The following PTPRD variants were observed in gnomAD, a reference collection of about 807,000 sequenced individuals.
PTPRD encodes the protein receptor-type tyrosine-protein phosphatase delta.
In PTPRD, 34 loss-of-function variants were observed where a neutral mutation model predicts 214.5. That is an observed-to-expected ratio of 0.16 (90% confidence interval 0.12 to 0.21). The LOEUF (loss-of-function observed/expected upper bound fraction) is 0.21, where lower values mean the gene tolerates loss of function less well. PTPRD is among the 10% of genes least tolerant of loss of function. PTPRD has a pLI of 1.00. For missense variants in PTPRD, 2,545 were observed against 2,398.7 expected, an observed-to-expected ratio of 1.06 and a Z score of -1.27; for synonymous variants, 1,128 against 845.7, an observed-to-expected ratio of 1.33 and a Z score of -5.79.
intron 14 of PTPRD, among the ~76,000 whole-genome samples, chr9:8,608,165 A>G (rs1384754149): frequency 6.6e-6 from 1 of 151,920 alleles, no homozygotes; most frequent in Admixed American, 6.6e-5. Context: ...ATATCTATAC[A>G]TTACATATTG....
Position 8,521,540 on chromosome 9 carries a change from C to A in PTPRD, c.698G>T (p.Arg233Leu). The change falls in exon 20 of 46, where the codon CGT (arginine) becomes CTT (leucine). Residue 233 changes from arginine to leucine, a missense_variant. Physicochemically the swap from Arg to Leu is moderately radical, Grantham distance 102. Coordinates refer to ENST00000381196, the MANE Select transcript of PTPRD (RefSeq NM_002839.4). Reference protein sequence around the residue: ...LYVRELREVRRVPPRFSIPPT... With the variant: ...LYVRELREVRLVPPRFSIPPT... ...TGGGATAGAGAATCTTGGTGGGACA[C>A]GGCGAACTGGAACAAAACACAAGGG... 2 of 1,612,688 alleles carry A rather than the reference C, an allele frequency of 1.2e-6. No homozygotes were observed. The highest frequency in any genetic ancestry group is 1.7e-6 in the Non-Finnish European group (2 of 1,179,272).
chr9:9,197,246 T>C (rs1275979356), intron 9 of PTPRD, among the ~76,000 whole-genome samples: 1 of 152,090 alleles, frequency 6.6e-6, no homozygotes, highest in African/African-American at 2.4e-5. Context: ...GCCCAAATCC[T>C]ATAATATTAA....
chr9:8,479,321 T>C (rs1174772757), intron 30 of PTPRD, among the ~76,000 whole-genome samples: 1 of 152,222 alleles, frequency 6.6e-6, no homozygotes, highest in African/African-American at 2.4e-5. Context: ...CTCAAGTACT[T>C]TCCTGATTTA....
intron 9 of PTPRD, among the ~76,000 whole-genome samples, chr9:9,229,446 A>C (rs62529548): frequency 0.11 from 16,546 of 152,072 alleles, 1,123 homozygotes; most frequent in Non-Finnish European, 0.14. Flanking sequence ...TGTGATGAAT[A>C]ATCTGTAATC....
chr9:8,586,957 C>G (rs2093705291), intron 14 of PTPRD, among the ~76,000 whole-genome samples: 1 of 152,130 alleles, frequency 6.6e-6, no homozygotes, highest in Non-Finnish European at 1.5e-5. Context: ...ACCATCCTGA[C>G]TAACACGGTG....
At chr9:8,345,699 C>G (rs1278613221) in intron 39 of PTPRD, among the ~76,000 whole-genome samples, 1 of 152,100 alleles carries the variant, frequency 6.6e-6, no homozygotes, top group Admixed American at 6.6e-5. Context: ...TCCATTGATT[C>G]TGTAACAGGG....
At chr9:9,956,832 C>T (rs977850747) in intron 4 of PTPRD, among the ~76,000 whole-genome samples, 4 of 151,966 alleles carry the variant, frequency 2.6e-5, no homozygotes, top group Non-Finnish European at 5.9e-5. Context: ...GAATCTTCTC[C>T]ACATAAAATA....
At chr9:10,572,527 TG>T (rs2067792663) in intron 2 of PTPRD, among the ~76,000 whole-genome samples, 1 of 152,064 alleles carries the variant, frequency 6.6e-6, no homozygotes, top group Non-Finnish European at 1.5e-5. Flanking sequence ...CCAAAAACAG[TG>T]ATGAAGGAAG....
In PTPRD at chr9:9,749,769, G is replaced by C. The variant is rs147225695; in HGVS notation, c.-325-15198C>G. ...TGGAAACCTCATAAGGCAAAAGTTA[G>C]GAGTATAGTTATTAGAACAACTCTC... On this transcript the variant is annotated intron_variant, in intron 6 of 45. Transcript: ENST00000381196. Among the ~76,000 whole-genome samples the C allele has an allele frequency of 4.2e-3, 634 of 152,238 alleles. 3 individuals are homozygous for C. Among genetic ancestry groups the C allele is most frequent in the African/African-American group, 0.014 (595 of 41,546 alleles).
chr9:10,308,627 T>C (rs536493403), intron 3 of PTPRD, among the ~76,000 whole-genome samples: 1 of 152,246 alleles, frequency 6.6e-6, no homozygotes, highest in South Asian at 2.1e-4. Context: ...ACAGTTTGCA[T>C]TGAATATTTG....
In PTPRD at chr9:8,341,960, A is replaced by C. The variant is rs1271697214; in HGVS notation, c.4680T>G (p.Thr1560=). Residue 1560 remains threonine, a synonymous_variant, in exon 40 of 46, where the codon ACT becomes ACG. Coordinates refer to ENST00000381196, the MANE Select transcript of PTPRD (RefSeq NM_002839.4). ...TGGCATCTATGACGATGAAGCAACC[A>C]GTCCGGCCAACTCCCGCACTATGAG... ...VVHCSAGVGR[T]GCFIVIDAML... is the part of the protein sequence containing the mutation. 1.2e-6 allele frequency: 2 copies of C among 1,611,174 alleles called. No individual in the cohort carries two copies. Among genetic ancestry groups the C allele is most frequent in the Non-Finnish European group, 1.7e-6 (2 of 1,178,664 alleles).
intron 3 of PTPRD, among the ~76,000 whole-genome samples, chr9:10,064,013 A>G (rs547467557): frequency 4.0e-5 from 6 of 150,916 alleles, no homozygotes; most frequent in Non-Finnish European, 7.4e-5. Flanking sequence ...CCCTTCATAT[A>G]TTTTCTGTTT....
At chr9:10,273,319 T>C (rs2094518132) in intron 3 of PTPRD, among the ~76,000 whole-genome samples, 1 of 152,150 alleles carries the variant, frequency 6.6e-6, no homozygotes, top group Non-Finnish European at 1.5e-5. Context: ...ATTGTAAATA[T>C]TAATTGAGTA....
chr9:9,499,238 G>A (rs986250204), intron 8 of PTPRD, among the ~76,000 whole-genome samples: 3 of 152,058 alleles, frequency 2.0e-5, no homozygotes, highest in African/African-American at 7.2e-5. Flanking sequence ...GACGTATGAT[G>A]TTATCCCCTT....
chr9:9,446,350 C>T (rs766255633), intron 8 of PTPRD, among the ~76,000 whole-genome samples: 3 of 152,076 alleles, frequency 2.0e-5, no homozygotes, highest in African/African-American at 4.8e-5. Flanking sequence ...GAGAGGATAC[C>T]TTATGTTCCA....
chr9:9,148,069 G>C (rs1267131266), intron 10 of PTPRD, among the ~76,000 whole-genome samples: 1 of 152,142 alleles, frequency 6.6e-6, no homozygotes, highest in Non-Finnish European at 1.5e-5. Flanking sequence ...GAAGCATTAT[G>C]ATTTATTTAG....
At chr9:8,909,416 G>C (rs115511171) in intron 11 of PTPRD, among the ~76,000 whole-genome samples, 1 of 152,014 alleles carries the variant, frequency 6.6e-6, no homozygotes, top group Non-Finnish European at 1.5e-5. Context: ...TATATTGATC[G>C]AGTGAAATTT....
At chr9:10,423,313 A>C (rs954306286) in intron 2 of PTPRD, among the ~76,000 whole-genome samples, 3 of 150,984 alleles carry the variant, frequency 2.0e-5, no homozygotes, top group African/African-American at 7.3e-5. Context: ...CATGGGGTGG[A>C]GGGCAGGGAG....
chr9:9,939,209 T>C (rs568893786), intron 4 of PTPRD, among the ~76,000 whole-genome samples: 73 of 152,270 alleles, frequency 4.8e-4, no homozygotes, highest in African/African-American at 1.6e-3. Flanking sequence ...ATAAAAATTA[T>C]AGGCTTGACG....
Sources: gnomAD v4.1 joint callset for allele counts (sites outside exome capture counted in the v4.1 genomes callset) on GRCh38, gnomAD v4.1.1 for gene constraint, MANE v1.5 for transcripts, NCBI Gene and HGNC (gene_info 2026-07-23, HGNC 2026-07-21) for gene names.